Variants in CDH23 observed in about 807,000 individuals in gnomAD.
The protein encoded by CDH23 is cadherin-23.
A neutral mutation model predicts 317.1 loss-of-function variants in CDH23; 189 were observed. The observed-to-expected ratio is 0.60, with a 90% confidence interval of 0.53 to 0.67. The LOEUF (loss-of-function observed/expected upper bound fraction) is 0.67, where lower values mean the gene tolerates loss of function less well. Ranked by LOEUF, CDH23 falls within the 30% of genes least tolerant of loss-of-function variation. The pLI is 0.00. For missense variants in CDH23, 4,401 were observed against 4,592.4 expected (o/e 0.96, Z 1.20); for synonymous variants, 1,839 against 1,876.8 (o/e 0.98, Z 0.52).
intron 3 of CDH23, among the ~76,000 whole-genome samples, chr10:71,462,501 C>T (rs943802287): frequency 6.6e-5 from 10 of 152,168 alleles, no homozygotes; most frequent in South Asian, 2.1e-4. Context: ...GTCAAGCCAC[C>T]GGTCACCACA....
Position 71,751,399 on chromosome 10 carries a change from T to C in CDH23, c.4845+9478T>C, listed in dbSNP as rs1309695625. On this transcript the variant is annotated intron_variant, in intron 38 of 69. Transcript: ENST00000224721. The surrounding 1 kb of genome is among the most constrained non-coding windows in gnomAD (Gnocchi z 4.9). ...AGGGAGGTGAATGGGGGCCCCTCTG[T>C]CCCTCACCCTCAACCCCACCCCGTG... The C allele has an allele frequency of 1.1e-4, 57 of 541,176 alleles. No homozygotes were observed. Among genetic ancestry groups the C allele is most frequent in the South Asian group, 9.9e-4 (44 of 44,376 alleles). 33.5% of individuals were successfully genotyped at this position (541,176 alleles called of 1,614,324 possible).
intron 14 of CDH23, among the ~76,000 whole-genome samples, chr10:71,673,049 T>C (rs1864212040): frequency 6.6e-6 from 1 of 152,140 alleles, no homozygotes; most frequent in Non-Finnish European, 1.5e-5. Flanking sequence ...TTCACTTCTG[T>C]CCTCTTTCTT....
chr10:71,645,596 A>G (rs750993883), intron 12 of CDH23: 1 of 719,226 alleles, frequency 1.4e-6, no homozygotes, highest in South Asian at 1.4e-5. Context: ...TGGGCATCCG[A>G]CAGCACAAGG....
chr10:71,652,580 C>T (rs562623976), intron 14 of CDH23, among the ~76,000 whole-genome samples: 26 of 152,314 alleles, frequency 1.7e-4, no homozygotes, highest in African/African-American at 5.3e-4. Context: ...GACAAGACAC[C>T]GGGCCTCAGT....
At chr10:71,625,021 A>G (rs1861647199) in intron 11 of CDH23, among the ~76,000 whole-genome samples, 1 of 152,086 alleles carries the variant, frequency 6.6e-6, no homozygotes, top group Non-Finnish European at 1.5e-5. Context: ...ATTAGACAAG[A>G]GTGGGCACAT....
chr10:71,441,069 A>G (rs1849853206), intron 2 of CDH23, among the ~76,000 whole-genome samples: 2 of 152,138 alleles, frequency 1.3e-5, no homozygotes, highest in African/African-American at 2.4e-5. Flanking sequence ...GCCCAGGAGT[A>G]CAGCACAGTC....
At chr10:71,487,969 G>A (rs1490987076) in intron 3 of CDH23, among the ~76,000 whole-genome samples, 5 of 152,180 alleles carry the variant, frequency 3.3e-5, no homozygotes, top group South Asian at 2.1e-4. Flanking sequence ...CACCCTGTGC[G>A]TACACCATCA....
chr10:71,599,733 T>TCCAGACTTGAG (rs1181995618), intron 9 of CDH23, among the ~76,000 whole-genome samples: 1 of 152,094 alleles, frequency 6.6e-6, no homozygotes, highest in Non-Finnish European at 1.5e-5. Context: ...TGGACAGGAG[T>TCCAGACTTGAG]CCAGACTTGA....
chr10:71,476,051 C>T (rs10999841), intron 3 of CDH23, among the ~76,000 whole-genome samples: 75,151 of 151,994 alleles, frequency 0.49, 18,637 homozygotes, highest in Middle Eastern at 0.54. Flanking sequence ...CCTGGCAGCT[C>T]CCAGACATTT....
intron 2 of CDH23, among the ~76,000 whole-genome samples, chr10:71,441,230 A>G (rs894879742): frequency 6.6e-6 from 1 of 151,752 alleles, no homozygotes; most frequent in Non-Finnish European, 1.5e-5. Flanking sequence ...CTGTCAGGAT[A>G]TCACCCCCCT....
At chr10:71,611,990 A>C (rs1860924911) in intron 9 of CDH23, among the ~76,000 whole-genome samples, 1 of 152,162 alleles carries the variant, frequency 6.6e-6, no homozygotes, top group Admixed American at 6.5e-5. Context: ...CCAGCTTTGG[A>C]GGCAGGGCTC....
At chr10:71,707,470 T>A (rs1865835696) in intron 26 of CDH23, 1 of 1,173,138 alleles carries the variant, frequency 8.5e-7, no homozygotes, top group Non-Finnish European at 1.1e-6. Context: ...TAGAGGCAGA[T>A]GGTTTTGATC....
At chr10:71,433,823 G>A (rs190570466) in intron 1 of CDH23, among the ~76,000 whole-genome samples, 54 of 92,252 alleles carry the variant, frequency 5.9e-4, no homozygotes, top group African/African-American at 1.6e-3. Flanking sequence ...ATCCCACACC[G>A]CTCCCCTGCC....
Position 71,617,294 on chromosome 10 carries a change from C to T in CDH23, c.1035C>T (p.Ala345=), listed in dbSNP as rs45581037. The T allele has an allele frequency of 2.5e-6, 4 of 1,613,956 alleles. No homozygotes were observed. Among genetic ancestry groups the T allele is most frequent in the Non-Finnish European group, 3.4e-6 (4 of 1,179,886 alleles). ...NILVIDINDN[A]PEFNSSEYSV... ...TGGTTATTGACATCAATGACAATGCCCCGGAGTTCAACAGCTCCGAGTACA... is the reference window on the plus strand; with the variant it reads ...TGGTTATTGACATCAATGACAATGCTCCGGAGTTCAACAGCTCCGAGTACA... Residue 345 remains alanine (A), a synonymous_variant, in exon 11 of 70, where the codon GCC becomes GCT. Coordinates refer to ENST00000224721, the MANE Select transcript of CDH23 (RefSeq NM_022124.6).
rs1564779572 is a variant in CDH23 at position 71,760,000 on chromosome 10, T to TATATATACACAC, written c.4846-17679_4846-17678insTATATACACACA. The stretch of plus-strand genomic sequence containing the variant: ...ACACACATATATATACACACACACA[T>TATATATACACAC]ACATATATATACACACACACATATA... On this transcript the variant is annotated intron_variant, in intron 38 of 69. Coordinates refer to ENST00000224721, the MANE Select transcript of CDH23 (RefSeq NM_022124.6). Among the ~76,000 whole-genome samples, 8 of 26,834 alleles carry TATATATACACAC rather than the reference T, an allele frequency of 3.0e-4. 3 individuals carry two copies. The highest frequency in any genetic ancestry group is 5.5e-4 in the African/African-American group (6 of 10,894). 17.6% of individuals were successfully genotyped at this position (26,834 alleles called of 152,430 possible).
chr10:71,764,215 A>G (rs1840471664), intron 38 of CDH23, among the ~76,000 whole-genome samples: 1 of 152,210 alleles, frequency 6.6e-6, no homozygotes, highest in Admixed American at 6.5e-5. Flanking sequence ...ATAAGAAGAC[A>G]CAGCATGTGT....
chr10:71,471,367 G>C (rs1851499221), intron 3 of CDH23, among the ~76,000 whole-genome samples: 1 of 152,160 alleles, frequency 6.6e-6, no homozygotes, highest in Admixed American at 6.5e-5. Context: ...TCACGACCTG[G>C]AACTGTGTTC....
intron 1 of CDH23, among the ~76,000 whole-genome samples, chr10:71,420,476 A>G (rs200327506): frequency 2.9e-3 from 152 of 52,854 alleles, no homozygotes; most frequent in African/African-American, 4.4e-3. Flanking sequence ...GATGGTGATG[A>G]TGATGGTGAT....
At chr10:71,723,993 T>C (rs1866689209) in intron 28 of CDH23, 52 bp from the exon 29 acceptor site, 2 of 1,545,270 alleles carry the variant, frequency 1.3e-6, no homozygotes, top group African/African-American at 2.7e-5. Context: ...AAACCTCTTC[T>C]CTCCCTGCTG....
Sources: gnomAD v4.1 joint callset for allele counts (sites outside exome capture counted in the v4.1 genomes callset) on GRCh38, gnomAD v4.1.1 for gene constraint, Gnocchi (gnomAD v3.1) non-coding constraint, MANE v1.5 for transcripts, NCBI Gene and HGNC (gene_info 2026-07-23, HGNC 2026-07-21) for gene names.